The following TACC1 variants were observed in gnomAD, a reference collection of about 807,000 sequenced individuals.
TACC1 encodes the protein transforming acidic coiled-coil-containing protein 1.
Under a neutral mutation model 84.4 loss-of-function variants are expected in TACC1, and 48 were observed. The ratio of observed to expected loss-of-function variants is 0.57; its 90% CI spans 0.45 to 0.72. The LOEUF (loss-of-function observed/expected upper bound fraction) is 0.72, where lower values mean the gene tolerates loss of function less well. Ranked by LOEUF, TACC1 falls within the 30% of genes least tolerant of loss-of-function variation. TACC1 has a pLI of 0.00. For missense variants in TACC1, 920 were observed against 973.0 expected (o/e 0.95, Z 0.72); for synonymous variants, 372 against 376.3 (o/e 0.99, Z 0.13).
intron 11 of TACC1, among the ~76,000 whole-genome samples, chr8:38,844,201 T>C (rs1452359781): frequency 6.6e-6 from 1 of 152,004 alleles, no homozygotes; most frequent in East Asian, 1.9e-4. Context: ...GAGACGGAGT[T>C]TCTCTCTGTC....
chr8:38,755,415 A>G (rs1412652313), intron 3 of TACC1, among the ~76,000 whole-genome samples: 1 of 152,146 alleles, frequency 6.6e-6, no homozygotes, highest in African/African-American at 2.4e-5. Flanking sequence ...GAAAAGGAGC[A>G]TTCCCAGCTG....
intron 3 of TACC1, among the ~76,000 whole-genome samples, chr8:38,766,338 T>G (rs1248245309): frequency 1.3e-5 from 2 of 152,266 alleles, no homozygotes; most frequent in African/African-American, 4.8e-5. Flanking sequence ...ATGACACTTC[T>G]AGGCAAAATA....
chr8:38,822,053 CCA>C (rs1491354164), intron 3 of TACC1, among the ~76,000 whole-genome samples: 1 of 151,820 alleles, frequency 6.6e-6, no homozygotes, highest in Non-Finnish European at 1.5e-5. Context: ...AGACACCCCC[CCA>C]CACACACCGA....
chr8:38,826,425 CT>C (rs1228414271), intron 4 of TACC1, among the ~76,000 whole-genome samples: 4 of 152,158 alleles, frequency 2.6e-5, no homozygotes, highest in African/African-American at 9.6e-5. Context: ...TAACAACTTA[CT>C]TTTGTGTCTG....
At chr8:38,797,419 T>A (rs1178274280) in intron 2 of TACC1, among the ~76,000 whole-genome samples, 2 of 152,234 alleles carry the variant, frequency 1.3e-5, no homozygotes, top group Non-Finnish European at 2.9e-5. Flanking sequence ...CTTTCTTCCT[T>A]TGGCGTCTCT....
chr8:38,840,297 A>C, intron 9 of TACC1, 30 bp downstream of exon 9: 1 of 1,597,382 alleles, frequency 6.3e-7, no homozygotes, highest in Non-Finnish European at 8.6e-7. Flanking sequence ...TTTTGAGGGT[A>C]TGAGCCATAG....
intron 3 of TACC1, among the ~76,000 whole-genome samples, chr8:38,761,786 T>C (rs931232408): frequency 6.6e-6 from 1 of 152,200 alleles, no homozygotes; most frequent in African/African-American, 2.4e-5. Context: ...AATGTCTTAG[T>C]ATAAAATTAA....
chr8:38,800,585 C>T (rs2152070965), intron 2 of TACC1, among the ~76,000 whole-genome samples: 1 of 152,258 alleles, frequency 6.6e-6, no homozygotes, highest in South Asian at 2.1e-4. Flanking sequence ...TAGCAAGTAT[C>T]GGGACTTTAT....
chr8:38,826,432 G>A (rs959850248), intron 4 of TACC1, among the ~76,000 whole-genome samples: 5 of 152,156 alleles, frequency 3.3e-5, no homozygotes, highest in African/African-American at 1.2e-4. Context: ...TTACTTTTGT[G>A]TCTGATAATA....
At chr8:38,805,052 A>T (rs1359254488) in intron 2 of TACC1, among the ~76,000 whole-genome samples, 1 of 152,202 alleles carries the variant, frequency 6.6e-6, no homozygotes, top group Non-Finnish European at 1.5e-5. Context: ...ATCCTATAGT[A>T]TCAGGCTCAA....
intron 2 of TACC1, among the ~76,000 whole-genome samples, chr8:38,811,992 C>T (rs567534343): frequency 3.3e-5 from 5 of 152,230 alleles, no homozygotes; most frequent in South Asian, 2.1e-4. Context: ...TATAAATGGC[C>T]GCTCTGGGAG....
chr8:38,739,147 CT>C (rs374509087), intron 1 of TACC1, among the ~76,000 whole-genome samples: 57 of 152,270 alleles, frequency 3.7e-4, no homozygotes, highest in African/African-American at 1.3e-3. Context: ...CCTTATGCTC[CT>C]GAAGTGCATG....
At position 38,762,809 on chromosome 8, in the gene TACC1, G is replaced by C. The variant is rs184557757; in HGVS notation, c.26+17316G>C. 5.5e-3 allele frequency among the ~76,000 whole-genome samples: 838 copies of C among 152,022 alleles called. 4 individuals carry two copies. The highest frequency in any genetic ancestry group is 9.7e-3 in the Non-Finnish European group (659 of 67,968). ...TGACCTGAGGTGATCCACCCGCCTC[G>C]GCCTCCCAAAGTGCTGGGATTACAG... On this transcript the variant is annotated intron_variant, in intron 3 of 14. Coordinates refer to the TACC1 transcript ENST00000518415.
chr8:38,741,885 G>T (rs1345260850), intron 1 of TACC1, among the ~76,000 whole-genome samples: 1 of 152,076 alleles, frequency 6.6e-6, no homozygotes, highest in African/African-American at 2.4e-5. Flanking sequence ...ATAAAAAATA[G>T]CCTGTTTAAA....
In TACC1 at chr8:38,747,526, G is replaced by A. The variant is rs1808294950; in HGVS notation, c.26+2033G>A. Among the ~76,000 whole-genome samples the A allele has an allele frequency of 2.0e-5, 3 of 152,282 alleles. No homozygotes were observed. In the South Asian group the frequency reaches 6.2e-4, roughly 32 times the overall value. On this transcript the variant is annotated intron_variant, in intron 3 of 14. Transcript: ENST00000518415. ...ATGGAATATTATTCAGTGTTAAAAA[G>A]AAATGAGCTGTCAAGCCATGAAGAC... is the stretch of plus-strand genomic sequence containing the variant.
chr8:38,833,056 G>A (rs746396039), intron 6 of TACC1, among the ~76,000 whole-genome samples: 1 of 152,206 alleles, frequency 6.6e-6, no homozygotes, highest in Non-Finnish European at 1.5e-5. Flanking sequence ...TTGATTTAGC[G>A]TCTTCATTAA....
At chr8:38,737,648 G>C (rs769533183) in intron 1 of TACC1, among the ~76,000 whole-genome samples, 4 of 151,924 alleles carry the variant, frequency 2.6e-5, no homozygotes, top group Non-Finnish European at 4.4e-5. Flanking sequence ...ATAGGGCATG[G>C]TGATAGAAGA....
At chr8:38,846,878 G>GT in intron 12 of TACC1, 59 bp downstream of exon 12, 8 of 1,597,324 alleles carry the variant, frequency 5.0e-6, no homozygotes, top group Non-Finnish European at 6.8e-6. Context: ...CTCCTCAGCA[G>GT]TGACTCACTT....
At chr8:38,803,344 T>G (rs544666090) in intron 2 of TACC1, among the ~76,000 whole-genome samples, 2 of 152,244 alleles carry the variant, frequency 1.3e-5, no homozygotes, top group Non-Finnish European at 2.9e-5. Flanking sequence ...GTCTCGTTCT[T>G]GACCTTAGGG....
Sources: allele counts gnomAD v4.1 joint callset (sites outside exome capture counted in the v4.1 genomes callset), GRCh38; gene constraint gnomAD v4.1.1; transcripts MANE v1.5; gene names NCBI Gene and HGNC (gene_info 2026-07-23, HGNC 2026-07-21).